The following SLC38A6 variants were observed in gnomAD, a reference collection of about 807,000 sequenced individuals.
SLC38A6 encodes solute carrier family 38 member 6, also known as N system amino acid transporter NAT-1.
SLC38A6 carries 73 observed loss-of-function variants against 65.0 expected under a neutral mutation model. The ratio of observed to expected loss-of-function variants is 1.12; its 90% confidence interval spans 0.93 to 1.37. The LOEUF is 1.37. Ranked by LOEUF, SLC38A6 falls within the 40% of genes most tolerant of loss-of-function variation. The pLI is 0.00. For synonymous variants in SLC38A6, 183 were observed against 178.8 expected, an observed-to-expected ratio of 1.02 and a Z score of -0.19; for missense variants, 561 against 531.1, an observed-to-expected ratio of 1.06 and a Z score of -0.55.
chr14:61,002,651 G>T (rs747203064), intron 3 of SLC38A6, among the ~76,000 whole-genome samples: 5 of 152,118 alleles, frequency 3.3e-5, no homozygotes, highest in Non-Finnish European at 7.4e-5. Context: ...CCAAACTCTT[G>T]CTCTCGCCAA....
chr14:61,037,441 C>T (rs571280097), intron 7 of SLC38A6, among the ~76,000 whole-genome samples, 184 bp from the exon 8 acceptor site: 58 of 152,192 alleles, frequency 3.8e-4, no homozygotes, highest in Non-Finnish European at 7.4e-4. Context: ...TAAGCCAGTT[C>T]CAATTCTGCT....
chr14:61,029,982 G>T (rs1173080678), intron 5 of SLC38A6, among the ~76,000 whole-genome samples: 1 of 152,108 alleles, frequency 6.6e-6, no homozygotes, highest in African/African-American at 2.4e-5. Context: ...TCTCTGTTGT[G>T]GGGAGGCATC....
chr14:61,081,518 C>T (rs2043648378), intron 16 of SLC38A6, among the ~76,000 whole-genome samples: 1 of 152,148 alleles, frequency 6.6e-6, no homozygotes, highest in Non-Finnish European at 1.5e-5. Flanking sequence ...AACCCCATCT[C>T]TAATAAAAAT....
intron 3 of SLC38A6, chr14:61,004,420 A>G (rs2038932997): frequency 6.6e-6 from 1 of 152,166 alleles, no homozygotes; most frequent in Non-Finnish European, 1.5e-5. Context: ...TTCTTGCTCT[A>G]GATTTTTGGA....
At chr14:61,005,761 G>C (rs1484715921) in intron 3 of SLC38A6, among the ~76,000 whole-genome samples, 1 of 151,976 alleles carries the variant, frequency 6.6e-6, no homozygotes, top group East Asian at 1.9e-4. Flanking sequence ...TACTGCCCAA[G>C]GTAATTTATA....
chr14:61,014,449 A>G (rs2039838275), intron 3 of SLC38A6, among the ~76,000 whole-genome samples: 1 of 152,260 alleles, frequency 6.6e-6, no homozygotes, highest in Admixed American at 6.5e-5. Context: ...CTTTGGAGGA[A>G]CAGAGGTGCT....
chr14:61,065,491 G>C (rs1351418064), intron 15 of SLC38A6, among the ~76,000 whole-genome samples: 2 of 152,128 alleles, frequency 1.3e-5, no homozygotes, highest in Non-Finnish European at 2.9e-5. Flanking sequence ...AAAATCTCCT[G>C]TTCTATATTT....
chr14:61,010,202 A>G (rs1223055367), intron 3 of SLC38A6, among the ~76,000 whole-genome samples: 2 of 152,092 alleles, frequency 1.3e-5, no homozygotes, highest in African/African-American at 4.8e-5. Flanking sequence ...GTCTGTTCAT[A>G]TCCTTCGCCC....
chr14:60,998,324 A>G (rs192470382), intron 3 of SLC38A6, among the ~76,000 whole-genome samples: 93 of 152,098 alleles, frequency 6.1e-4, no homozygotes, highest in Middle Eastern at 3.4e-3. Context: ...TTCCAGGTCC[A>G]CAGGCAGGAG....
Position 61,017,974 on chromosome 14 carries a change from A to T in SLC38A6, c.364-1567A>T, listed in dbSNP as rs775295997. 2.0e-5 allele frequency among the ~76,000 whole-genome samples: 3 copies of T among 152,202 alleles called. No homozygotes were observed. The East Asian group carries it at 5.8e-4, about 29-fold the overall frequency. On this transcript the variant is annotated intron_variant, in intron 4 of 15. Transcript: ENST00000267488. ...TTGAAATGTTTTGAACTTGTTAAAG[A>T]TTTATTTCAATGTCTATAAATTGGT...
intron 5 of SLC38A6, among the ~76,000 whole-genome samples, chr14:61,025,405 C>T (rs893820553): frequency 2.0e-5 from 3 of 152,044 alleles, no homozygotes; most frequent in African/African-American, 7.2e-5. Context: ...TAGGATTGGG[C>T]GCGCAGATAC....
rs567683924 is a variant in SLC38A6, at chr14:61,043,694, T to G, written c.744+191T>G. On this transcript the variant is annotated intron_variant, in intron 10 of 15. Transcript: ENST00000267488. ...GGTGGCCTATTATGAAACAGCCACC[T>G]TTTTTTTTTTTTTTTTTTTTTTCCT... Among the ~76,000 whole-genome samples the G allele has an allele frequency of 5.8e-4, 61 of 104,648 alleles. No homozygotes were observed. In the East Asian group the frequency reaches 0.013, roughly 22 times the overall value. 68.7% of individuals were successfully genotyped at this position (104,648 alleles called of 152,430 possible).
At chr14:61,033,402 T>A (rs1369952438) in intron 6 of SLC38A6, among the ~76,000 whole-genome samples, 2 of 152,038 alleles carry the variant, frequency 1.3e-5, no homozygotes, top group Non-Finnish European at 2.9e-5. Context: ...ATCAAACAAG[T>A]TCTCTAGGAA....
In SLC38A6 at chr14:60,984,750, C is replaced by G; in HGVS notation, c.257C>G (p.Ala86Gly). Reference protein sequence around the residue: ...FGFSFLLLTVALLASYSVHLL... With the variant: ...FGFSFLLLTVGLLASYSVHLL... ...TTTAGCTTCTTGCTGCTGACAGTTG[C>G]TCTCCTGGCTTCTTACTCAGTCCAT... Residue 86 changes from alanine (A) to glycine (G), a missense_variant, in exon 3 of 16, where the codon GCT becomes GGT. By Grantham distance (60) the Ala-to-Gly change is moderately conservative. Transcript: ENST00000267488. The G allele has an allele frequency of 6.2e-7, 1 of 1,613,992 alleles. No individual in the cohort carries two copies. Among genetic ancestry groups the G allele is most frequent in the Non-Finnish European group, 8.5e-7 (1 of 1,179,938 alleles).
At chr14:61,047,401 C>T (rs748360509) in intron 12 of SLC38A6, among the ~76,000 whole-genome samples, 48 of 152,100 alleles carry the variant, frequency 3.2e-4, no homozygotes, top group Non-Finnish European at 5.3e-4. Flanking sequence ...TATATATACT[C>T]CCTAACTTAA....
chr14:61,016,434 A>G (rs1459890913), intron 4 of SLC38A6, among the ~76,000 whole-genome samples: 1 of 152,198 alleles, frequency 6.6e-6, no homozygotes, highest in Non-Finnish European at 1.5e-5. Context: ...AGGTGAGGAA[A>G]TTAAGGACCA....
downstream of SLC38A6, chr14:61,052,856 C>A (rs888511562): frequency 6.6e-6 from 1 of 152,588 alleles, no homozygotes; most frequent in African/African-American, 2.4e-5. Context: ...AGGTTTCATT[C>A]TTGGCAGCCA....
chr14:61,007,473 T>TA (rs1168546743), intron 3 of SLC38A6, among the ~76,000 whole-genome samples: 1 of 151,776 alleles, frequency 6.6e-6, no homozygotes, highest in Non-Finnish European at 1.5e-5. Flanking sequence ...ATACAAAAAG[T>TA]AAAAAATGAA....
chr14:61,001,731 C>G (rs1368756037), intron 3 of SLC38A6, among the ~76,000 whole-genome samples: 1 of 152,140 alleles, frequency 6.6e-6, no homozygotes. Flanking sequence ...AGAAGGTTAG[C>G]AAAAGCTCAG....
Sources: allele counts gnomAD v4.1 joint callset (sites outside exome capture counted in the v4.1 genomes callset), GRCh38; gene constraint gnomAD v4.1.1; transcripts MANE v1.5; gene names NCBI Gene and HGNC (gene_info 2026-07-23, HGNC 2026-07-21).